P4HA1: variants seen among roughly 807,000 people sequenced by gnomAD.
P4HA1 encodes the protein prolyl 4-hydroxylase subunit alpha-1.
Under a neutral mutation model 72.8 loss-of-function variants are expected in P4HA1, and 24 were observed. The observed-to-expected ratio is 0.33, with a 90% confidence interval of 0.24 to 0.46. The LOEUF (loss-of-function observed/expected upper bound fraction) is 0.46, where lower values mean the gene tolerates loss of function less well. Among genes scored for constraint, P4HA1 ranks in the 20% least tolerant of loss-of-function variants. P4HA1 has a pLI of 1.00. For synonymous variants in P4HA1, 201 were observed against 218.8 expected (o/e 0.92, Z 0.72); for missense variants, 446 against 640.6 (o/e 0.70, Z 3.28).
At chr10:73,011,739 A>C (rs1839914780) in intron 12 of P4HA1, among the ~76,000 whole-genome samples, 1 of 152,202 alleles carries the variant, frequency 6.6e-6, no homozygotes, top group Non-Finnish European at 1.5e-5. Context: ...ATCACAGAGC[A>C]AAACCCAGCT....
intron 12 of P4HA1, among the ~76,000 whole-genome samples, chr10:73,011,276 A>C (rs1379126551): frequency 1.3e-5 from 2 of 152,232 alleles, no homozygotes; most frequent in Non-Finnish European, 2.9e-5. Context: ...AGGATGGAAG[A>C]CTGGGGATAT....
At chr10:73,054,083 AT>A (rs773698788) in intron 5 of P4HA1, among the ~76,000 whole-genome samples, 92 of 152,086 alleles carry the variant, frequency 6.0e-4, no homozygotes, top group Non-Finnish European at 2.5e-4. Context: ...TGCCCAGCTA[AT>A]TTTGTATTTT....
intron 5 of P4HA1, among the ~76,000 whole-genome samples, chr10:73,057,329 A>T (rs1283732486): frequency 1.3e-5 from 2 of 151,916 alleles, no homozygotes; most frequent in Non-Finnish European, 2.9e-5. Context: ...TCTCTACTAA[A>T]AATACAAAAA....
At chr10:73,027,896 G>A (rs1840328937) in intron 10 of P4HA1, among the ~76,000 whole-genome samples, 2 of 150,900 alleles carry the variant, frequency 1.3e-5, no homozygotes, top group African/African-American at 2.4e-5. Flanking sequence ...GACAGAGGGA[G>A]GGAGGGAAGA....
At chr10:73,035,204 C>T (rs1840540941) in intron 9 of P4HA1, among the ~76,000 whole-genome samples, 1 of 151,606 alleles carries the variant, frequency 6.6e-6, no homozygotes, top group Admixed American at 6.6e-5. Context: ...TTTATATTCC[C>T]ATCCCTCACT....
chr10:73,071,214 C>G (rs549562497), intron 4 of P4HA1: 10 of 151,730 alleles, frequency 6.6e-5, no homozygotes, highest in Admixed American at 6.6e-4. Flanking sequence ...AAAAAGTTCC[C>G]AAGGTGTTAT....
At chr10:73,022,632 G>T (rs1840163192) in intron 10 of P4HA1, among the ~76,000 whole-genome samples, 1 of 152,134 alleles carries the variant, frequency 6.6e-6, no homozygotes, top group Non-Finnish European at 1.5e-5. Context: ...AACAAAGCTG[G>T]ACAGAGAATG....
Position 73,072,120 on chromosome 10 carries a change from A to C in P4HA1, c.234T>G (p.Val78=). Residue 78 remains valine (V), a synonymous_variant, in exon 4 of 15, where the codon GTT becomes GTG. Transcript: ENST00000394890. ...STATKDPEGF[V]GHPVNAFKLM... is the part of the protein sequence containing the mutation. ...ATTTGAATGCATTTACTGGATGCCC[A>C]ACAAATCCTTCTGGATCTTTTGTCG... 1 of 1,613,568 alleles carries C rather than the reference A, an allele frequency of 6.2e-7. No individual in the cohort carries two copies.
intron 1 of P4HA1, among the ~76,000 whole-genome samples, chr10:73,096,393 T>C (rs562750646): frequency 1.8e-3 from 275 of 151,742 alleles, no homozygotes; most frequent in Non-Finnish European, 3.1e-3. Context: ...TTAGCCTCGT[T>C]AGGGAGGACC....
At chr10:73,013,924 G>T (rs1176836640) in intron 12 of P4HA1, among the ~76,000 whole-genome samples, 4 of 151,898 alleles carry the variant, frequency 2.6e-5, no homozygotes, top group Non-Finnish European at 5.9e-5. Context: ...AATATATAGA[G>T]ATTTTTATAT....
At chr10:73,075,437 T>C (rs914491218) in intron 1 of P4HA1, among the ~76,000 whole-genome samples, 2 of 152,148 alleles carry the variant, frequency 1.3e-5, no homozygotes, top group African/African-American at 4.8e-5. Flanking sequence ...TGTTATCACC[T>C]GATAATTTAT....
intron 9 of P4HA1, among the ~76,000 whole-genome samples, chr10:73,041,080 G>C (rs950083524): frequency 6.6e-6 from 1 of 151,972 alleles, no homozygotes; most frequent in Non-Finnish European, 1.5e-5. Context: ...TGTTCCTTAA[G>C]GATAATTGCT....
At chr10:73,028,680 C>G (rs1159387467) in intron 10 of P4HA1, among the ~76,000 whole-genome samples, 6 of 151,994 alleles carry the variant, frequency 3.9e-5, no homozygotes, top group Non-Finnish European at 5.9e-5. Flanking sequence ...GGTGATCCAC[C>G]TGGCTCGGCC....
chr10:73,083,987 C>G (rs2133155537), intron 1 of P4HA1, among the ~76,000 whole-genome samples: 1 of 151,772 alleles, frequency 6.6e-6, no homozygotes, highest in South Asian at 2.1e-4. Context: ...AACAAAAAAA[C>G]AAAGTTTAAG....
intron 11 of P4HA1, 53 bp from the exon 12 acceptor site, chr10:73,014,342 T>C (rs1839971004): frequency 5.5e-6 from 7 of 1,271,504 alleles, no homozygotes; most frequent in East Asian, 2.3e-5. Context: ...GTAATACAAA[T>C]ACTCTAGTGG....
chr10:73,065,785 T>C (rs776100024), intron 5 of P4HA1, among the ~76,000 whole-genome samples: 3 of 152,162 alleles, frequency 2.0e-5, no homozygotes, highest in Non-Finnish European at 2.9e-5. Flanking sequence ...TCAACAAAGA[T>C]GTATCAAACT....
intron 1 of P4HA1, among the ~76,000 whole-genome samples, chr10:73,076,398 G>A (rs1841698797): frequency 6.8e-6 from 1 of 147,860 alleles, no homozygotes; most frequent in African/African-American, 2.5e-5. Context: ...AATCCAAAAC[G>A]AATAAACAGC....
chr10:73,079,329 C>A (rs1032669263), intron 1 of P4HA1, among the ~76,000 whole-genome samples: 19 of 152,188 alleles, frequency 1.2e-4, no homozygotes, highest in Non-Finnish European at 1.3e-4. Flanking sequence ...TGGTAGTAGT[C>A]CCAGCTACTC....
At chr10:73,065,611 A>G (rs1199893707) in intron 5 of P4HA1, 1 of 152,228 alleles carries the variant, frequency 6.6e-6, no homozygotes, top group African/African-American at 2.4e-5. Context: ...TGGCAAGGAT[A>G]TGAAGAAATG....
Sources: allele counts gnomAD v4.1 joint callset (sites outside exome capture counted in the v4.1 genomes callset), GRCh38; gene constraint gnomAD v4.1.1; transcripts MANE v1.5; gene names NCBI Gene and HGNC (gene_info 2026-07-23, HGNC 2026-07-21).